TRPV5: variants seen among roughly 807,000 people sequenced by gnomAD.
TRPV5 encodes transient receptor potential cation channel subfamily V member 5, also known as calcium transport protein 2.
Under a neutral mutation model 74.1 loss-of-function variants are expected in TRPV5, and 66 were observed. That is an observed-to-expected ratio of 0.89 (90% confidence interval 0.73 to 1.09). The LOEUF (loss-of-function observed/expected upper bound fraction) is 1.09, where lower values mean the gene tolerates loss of function less well. Ranked by LOEUF, TRPV5 falls within the 50% of genes least tolerant of loss-of-function variation. The pLI, the probability that TRPV5 is intolerant of heterozygous loss-of-function variation, is 0.00. For synonymous variants in TRPV5, 399 were observed against 360.7 expected (o/e 1.11, Z -1.20); for missense variants, 936 against 930.4 (o/e 1.01, Z -0.08).
Position 142,928,790 on chromosome 7 carries a change from G to C in TRPV5, c.663C>G (p.Ser221=). ...GCAGGTGGTCCCCATGTCCATCATA[G>C]GACAGCAGCAGGTTGTACATCTGGC... ...FACQMYNLLL[S]YDGHGDHLQP... Residue 221 remains serine, a synonymous_variant, in exon 6 of 15, where the codon TCC becomes TCG. Coordinates refer to ENST00000265310, the MANE Select transcript of TRPV5 (RefSeq NM_019841.7). 1 of 1,614,150 alleles carries C rather than the reference G, an allele frequency of 6.2e-7. No individual in the cohort carries two copies.
chr7:142,927,996 G>T, intron 7 of TRPV5, 92 bp downstream of exon 7: 1 of 1,519,154 alleles, frequency 6.6e-7, no homozygotes, highest in Non-Finnish European at 9.1e-7. Flanking sequence ...GCTGGGAAGT[G>T]TCTCAGGCCC....
intron 5 of TRPV5, 23 bp from the exon 6 acceptor site, chr7:142,928,889 T>C (rs1195854441): frequency 1.2e-6 from 2 of 1,613,236 alleles, no homozygotes; most frequent in Non-Finnish European, 8.5e-7. Flanking sequence ...CAGGGTATCA[T>C]GTGGCCACTG....
chr7:142,909,117 G>A (rs756907502), intron 14 of TRPV5, among the ~76,000 whole-genome samples: 1 of 152,078 alleles, frequency 6.6e-6, no homozygotes, highest in African/African-American at 2.4e-5. Context: ...ATAGATAAGC[G>A]TGTCACAAGG....
At chr7:142,924,351 TAGAC>T (rs1178884994) in intron 8 of TRPV5, among the ~76,000 whole-genome samples, 15 of 5,030 alleles carry the variant, frequency 3.0e-3, no homozygotes, top group Admixed American at 8.3e-3. Context: ...TATATATATA[TAGAC>T]ATATACATGT....
intron 14 of TRPV5, among the ~76,000 whole-genome samples, 185 bp downstream of exon 14, chr7:142,909,305 A>T (rs1795668501): frequency 6.6e-6 from 1 of 152,166 alleles, no homozygotes; most frequent in South Asian, 2.1e-4. Flanking sequence ...GAGCATGGAC[A>T]CATGCACACA....
At chr7:142,924,252 A>T (rs1022853211) in intron 8 of TRPV5, among the ~76,000 whole-genome samples, 1 of 129,248 alleles carries the variant, frequency 7.7e-6, no homozygotes, top group African/African-American at 3.3e-5. Flanking sequence ...ATACATATAC[A>T]TGTATATATA....
chr7:142,933,205 G>A, intron 1 of TRPV5, 127 bp downstream of exon 1: 1 of 1,284,580 alleles, frequency 7.8e-7, no homozygotes, highest in Non-Finnish European at 1.1e-6. Flanking sequence ...TGGAAGGAAA[G>A]GGTATGTCTG....
chr7:142,911,615 G>A (rs971229401), intron 13 of TRPV5, among the ~76,000 whole-genome samples: 1 of 152,134 alleles, frequency 6.6e-6, no homozygotes, highest in African/African-American at 2.4e-5. Context: ...TTTTTGTGAA[G>A]TCATTCACTT....
intron 13 of TRPV5, 84 bp downstream of exon 13, chr7:142,912,398 A>G: frequency 1.3e-6 from 2 of 1,530,726 alleles, no homozygotes; most frequent in Non-Finnish European, 1.8e-6. Flanking sequence ...TGACTCTTTT[A>G]AGAATGATCC....
chr7:142,914,491 TA>T, intron 12 of TRPV5, 148 bp downstream of exon 12: 1 of 764,918 alleles, frequency 1.3e-6, no homozygotes, highest in Non-Finnish European at 2.1e-6. Flanking sequence ...CTTTTAGACT[TA>T]CCTTCCAACA....
chr7:142,921,073 C>T (rs770160944), intron 8 of TRPV5, among the ~76,000 whole-genome samples: 1 of 152,182 alleles, frequency 6.6e-6, no homozygotes, highest in African/African-American at 2.4e-5. Flanking sequence ...CAATCAGTTG[C>T]TTTTCAAATA....
intron 1 of TRPV5, among the ~76,000 whole-genome samples, chr7:142,931,261 C>G (rs894982560): frequency 2.0e-5 from 3 of 151,938 alleles, no homozygotes; most frequent in Admixed American, 2.0e-4. Context: ...TGAGCTCAGG[C>G]AATCCGCCTG....
chr7:142,917,077 T>G (rs1219702999), intron 8 of TRPV5, among the ~76,000 whole-genome samples: 1 of 151,788 alleles, frequency 6.6e-6, no homozygotes, highest in Admixed American at 6.6e-5. Context: ...TGGTTTTTTT[T>G]TGTGCGTTTT....
At chr7:142,929,651 G>A in intron 3 of TRPV5, 86 bp from the exon 4 acceptor site, 2 of 1,559,920 alleles carry the variant, frequency 1.3e-6, no homozygotes, top group East Asian at 2.3e-5. Context: ...CCTCTCAGGA[G>A]GTTCCTGATA....
At position 142,915,512 on chromosome 7, in the gene TRPV5, G is replaced by T. The variant is rs767583849; in HGVS notation, c.1179C>A (p.Ile393=). 3.0e-5 allele frequency: 48 copies of T among 1,613,996 alleles called. No individual in the cohort carries two copies. The highest frequency in any genetic ancestry group is 4.0e-5 in the Non-Finnish European group (47 of 1,180,022). The change falls in exon 9 of 15, where the codon ATC becomes ATA. Residue 393 remains isoleucine, a synonymous_variant. Coordinates refer to ENST00000265310, the MANE Select transcript of TRPV5 (RefSeq NM_019841.7). ...GGAGCAGGATGATCACAGCCCCAAC[G>T]ATGCTCACCAGCTCCCCCACCAGCC... ...IIRLVGELVS[I]VGAVIILLLE... is the part of the protein sequence containing the mutation.
At chr7:142,912,458 C>A (rs377250412) in intron 13 of TRPV5, 24 bp downstream of exon 13, 2 of 1,596,234 alleles carry the variant, frequency 1.3e-6, no homozygotes, top group African/African-American at 2.7e-5. Flanking sequence ...TGCTTCTTAG[C>A]AAGACTAACA....
At chr7:142,913,037 G>C (rs553385989) in intron 12 of TRPV5, among the ~76,000 whole-genome samples, 1 of 152,158 alleles carries the variant, frequency 6.6e-6, no homozygotes, top group Admixed American at 6.5e-5. Context: ...TGTGTGCAGC[G>C]TGTGTGTTTG....
In TRPV5 at chr7:142,915,529, C is replaced by A. The variant is rs1377619667; in HGVS notation, c.1162G>T (p.Gly388Trp). Residue 388 changes from glycine to tryptophan, a missense_variant, in exon 9 of 15, where the codon GGG (glycine) becomes TGG (tryptophan). Physicochemically the swap from Gly to Trp is radical, Grantham distance 184. Coordinates refer to ENST00000265310, the MANE Select transcript of TRPV5 (RefSeq NM_019841.7). The stretch of plus-strand genomic sequence containing the variant: ...GCCCCAACGATGCTCACCAGCTCCC[C>A]CACCAGCCTGATGATATCTTCACGT... ...ETREDIIRLV[G>W]ELVSIVGAVI... is the part of the protein sequence containing the mutation. 14 of 1,614,024 alleles carry A rather than the reference C, an allele frequency of 8.7e-6. No homozygotes were observed. Among genetic ancestry groups the A allele is most frequent in the Middle Eastern group, 1.6e-4 (1 of 6,084 alleles).
chr7:142,930,849 C>A (rs1474113055), intron 1 of TRPV5, among the ~76,000 whole-genome samples: 1 of 152,038 alleles, frequency 6.6e-6, no homozygotes, highest in South Asian at 2.1e-4. Flanking sequence ...CTTCCATCTG[C>A]GGTCCCCCTG....
Sources: gnomAD v4.1 joint callset for allele counts (sites outside exome capture counted in the v4.1 genomes callset) on GRCh38, gnomAD v4.1.1 for gene constraint, MANE v1.5 for transcripts, NCBI Gene and HGNC (gene_info 2026-07-23, HGNC 2026-07-21) for gene names.